TLN2: variants seen among roughly 807,000 people sequenced by gnomAD.
TLN2 encodes talin 2.
Under a neutral mutation model 294.7 loss-of-function variants are expected in TLN2, and 118 were observed. That is an observed-to-expected ratio of 0.40 (90% CI 0.34 to 0.47). The LOEUF (loss-of-function observed/expected upper bound fraction) is 0.47. Ranked by LOEUF, TLN2 falls within the 20% of genes least tolerant of loss-of-function variation. The pLI, the probability that TLN2 is intolerant of heterozygous loss-of-function variation, is 0.84. For synonymous variants in TLN2, 1,431 were observed against 1,304.5 expected (o/e 1.10, Z -2.09); for missense variants, 3,083 against 3,282.2 (o/e 0.94, Z 1.48).
chr15:62,728,001 A>G (rs2060528518), intron 28 of TLN2, among the ~76,000 whole-genome samples: 1 of 152,098 alleles, frequency 6.6e-6, no homozygotes, highest in Non-Finnish European at 1.5e-5. Context: ...TGCACAGAAG[A>G]CAGCATAAAT....
Position 62,843,426 on chromosome 15 carries a change from C to G in TLN2, c.*2816C>G, listed in dbSNP as rs1167910058. Reference sequence around the variant, plus strand: ...TTGTTTAAGTTTTGCCAGTGTCCAGCCAGCTGTGGCCCTGGCCATCTGTGC... The same window carrying G: ...TTGTTTAAGTTTTGCCAGTGTCCAGGCAGCTGTGGCCCTGGCCATCTGTGC... On this transcript the variant is annotated 3_prime_UTR_variant, in exon 59 of 59. Coordinates refer to ENST00000636159, the MANE Select transcript of TLN2 (RefSeq NM_015059.3). The G allele has an allele frequency of 6.6e-6, 1 of 152,262 alleles. No individual in the cohort carries two copies. Among genetic ancestry groups the G allele is most frequent in the Non-Finnish European group, 1.5e-5 (1 of 68,084 alleles). 9.4% of individuals were successfully genotyped at this position (152,262 alleles called of 1,614,324 possible). A position where few individuals can be genotyped will look rare whatever the true frequency, so the allele number is the denominator to read the frequency against.
chr15:62,625,580 G>A (rs577193148), intron 3 of TLN2, among the ~76,000 whole-genome samples: 46 of 152,314 alleles, frequency 3.0e-4, no homozygotes, highest in African/African-American at 1.1e-3. Context: ...GAAGCCAGCA[G>A]CAGCTGGGAA....
At chr15:62,706,162 G>A (rs8029740) in intron 19 of TLN2, among the ~76,000 whole-genome samples, 143,211 of 152,306 alleles carry the variant, frequency 0.94, 67,871 homozygotes, top group Non-Finnish European at 1. Flanking sequence ...AAGCCTTGAC[G>A]TGTTTGTTCC....
chr15:62,415,631 C>G (rs536398623), intron 1 of TLN2, among the ~76,000 whole-genome samples: 1 of 152,246 alleles, frequency 6.6e-6, no homozygotes, highest in Non-Finnish European at 1.5e-5. Flanking sequence ...ACAGGAGTCC[C>G]GCTCTGCTGG....
chr15:62,633,143 G>A (rs1024372367), intron 3 of TLN2, among the ~76,000 whole-genome samples: 11 of 152,280 alleles, frequency 7.2e-5, no homozygotes, highest in Admixed American at 3.3e-4. Context: ...GGTGCAGCAC[G>A]GTGGTATTAT....
At chr15:62,616,737 T>C (rs1198798605) in intron 2 of TLN2, among the ~76,000 whole-genome samples, 2 of 152,262 alleles carry the variant, frequency 1.3e-5, no homozygotes, top group Non-Finnish European at 2.9e-5. Flanking sequence ...CTGTCTCATC[T>C]GGACATTTGT....
At chr15:62,581,911 G>C (rs915330750) in intron 1 of TLN2, among the ~76,000 whole-genome samples, 1 of 151,976 alleles carries the variant, frequency 6.6e-6, no homozygotes, top group African/African-American at 2.4e-5. Flanking sequence ...GGGCGTAGTG[G>C]TATGAGTCTG....
chr15:62,720,404 C>A (rs913382959), intron 25 of TLN2, among the ~76,000 whole-genome samples: 1 of 152,134 alleles, frequency 6.6e-6, no homozygotes, highest in South Asian at 2.1e-4. Context: ...TTCCCCTTTA[C>A]GTGCTTCTTA....
At chr15:62,434,507 A>G (rs996319825) in intron 1 of TLN2, among the ~76,000 whole-genome samples, 15 of 152,134 alleles carry the variant, frequency 9.9e-5, no homozygotes, top group Admixed American at 4.6e-4. Context: ...CCTTGCTTGC[A>G]AGTGTGAGTA....
At chr15:62,485,548 A>G (rs1179315395) in intron 1 of TLN2, among the ~76,000 whole-genome samples, 1 of 152,172 alleles carries the variant, frequency 6.6e-6, no homozygotes, top group African/African-American at 2.4e-5. Context: ...GGTGGGGGCA[A>G]GTGGTTGTGC....
intron 12 of TLN2, among the ~76,000 whole-genome samples, chr15:62,691,046 G>C (rs1415364333): frequency 6.9e-6 from 1 of 144,494 alleles, no homozygotes; most frequent in Non-Finnish European, 1.5e-5. Flanking sequence ...GAGAGGGAGA[G>C]GGGGAGGGGG....
At chr15:62,464,123 CGT>C (rs1480721752) in intron 1 of TLN2, among the ~76,000 whole-genome samples, 2 of 152,160 alleles carry the variant, frequency 1.3e-5, no homozygotes, top group Non-Finnish European at 2.9e-5. Context: ...CACACACAAA[CGT>C]GTGTTTATTG....
At position 62,700,091 on chromosome 15, in the gene TLN2, C is replaced by T. The variant is rs112865161; in HGVS notation, c.1588-1015C>T. On this transcript the variant is annotated intron_variant, in intron 16 of 58. Transcript: ENST00000636159. Reference sequence around the variant, plus strand: ...GCTGGTAAACTCAGCGCCATTTCTCCCAGGTACCCAAAAACAATAAACATT... The same window carrying T: ...GCTGGTAAACTCAGCGCCATTTCTCTCAGGTACCCAAAAACAATAAACATT... Among the ~76,000 whole-genome samples the T allele has an allele frequency of 2.0e-5, 3 of 152,280 alleles. 1 individual carries two copies. The highest frequency in any genetic ancestry group is 7.2e-5 in the African/African-American group (3 of 41,548).
At chr15:62,756,707 G>C (rs1317370723) in intron 37 of TLN2, among the ~76,000 whole-genome samples, 1 of 152,060 alleles carries the variant, frequency 6.6e-6, no homozygotes, top group Admixed American at 6.5e-5. Flanking sequence ...CAGAGGATAG[G>C]ACACTGCACA....
intron 1 of TLN2, among the ~76,000 whole-genome samples, chr15:62,508,713 A>G (rs554106372): frequency 2.0e-5 from 3 of 152,366 alleles, no homozygotes; most frequent in South Asian, 4.1e-4. Context: ...GTCTTAAATT[A>G]TCCTGGAAAA....
At chr15:62,582,164 G>A (rs2045107935) in intron 1 of TLN2, among the ~76,000 whole-genome samples, 1 of 143,024 alleles carries the variant, frequency 7.0e-6, no homozygotes, top group South Asian at 2.3e-4. Flanking sequence ...CATAGAATCA[G>A]CCAGCCATAA....
At chr15:62,755,477 G>C in intron 36 of TLN2, 55 bp from the exon 37 acceptor site, 5 of 1,578,584 alleles carry the variant, frequency 3.2e-6, no homozygotes, top group Non-Finnish European at 4.3e-6. Context: ...GGACCGGGGT[G>C]GACCCCTCTG....
intron 58 of TLN2, 91 bp from the exon 59 acceptor site, chr15:62,840,391 C>G: frequency 2.0e-6 from 3 of 1,535,842 alleles, no homozygotes; most frequent in Non-Finnish European, 2.6e-6. Flanking sequence ...CCCACGGTCG[C>G]GGGAGCCGTG....
intron 1 of TLN2, among the ~76,000 whole-genome samples, chr15:62,405,279 A>G (rs543558330): frequency 6.6e-6 from 1 of 152,112 alleles, no homozygotes; most frequent in Non-Finnish European, 1.5e-5. Context: ...CTGAATCGGG[A>G]GCCCTAGGGA....
Sources: gnomAD v4.1 joint callset for allele counts (sites outside exome capture counted in the v4.1 genomes callset) on GRCh38, gnomAD v4.1.1 for gene constraint, MANE v1.5 for transcripts, NCBI Gene and HGNC (gene_info 2026-07-23, HGNC 2026-07-21) for gene names.